Variants in SLC13A5 observed in about 807,000 individuals in gnomAD.
SLC13A5 encodes Na(+)/citrate cotransporter.
Under a neutral mutation model 56.5 loss-of-function variants are expected in SLC13A5, and 25 were observed. That is an observed-to-expected ratio of 0.44 (90% CI 0.32 to 0.62). SLC13A5 has a LOEUF of 0.62. Among genes scored for constraint, SLC13A5 ranks in the 20% least tolerant of loss-of-function variants. The pLI is 0.04. For missense variants in SLC13A5, 649 were observed against 737.8 expected (o/e 0.88, Z 1.39); for synonymous variants, 307 against 301.5 (o/e 1.02, Z -0.19).
chr17:6,696,649 G>A (rs1261836285), intron 6 of SLC13A5, among the ~76,000 whole-genome samples: 2 of 152,112 alleles, frequency 1.3e-5, no homozygotes, highest in Non-Finnish European at 2.9e-5. Context: ...GAGGTGTAAA[G>A]GGGAGCTCAG....
In SLC13A5 at chr17:6,690,770, G is replaced by T. The variant is rs1216705623; in HGVS notation, c.1437+9C>A. ...TGGAAGGGCTCCTCCCCACTGTCAG[G>T]TTACTTACCATGGAGGCAAAGATGG... On this transcript the variant is annotated intron_variant, in intron 10 of 11. Transcript: ENST00000433363. 1.2e-6 allele frequency: 2 copies of T among 1,614,068 alleles called. No homozygotes were observed.
intron 6 of SLC13A5, among the ~76,000 whole-genome samples, chr17:6,698,147 C>T (rs985022682): frequency 6.6e-6 from 1 of 152,232 alleles, no homozygotes; most frequent in African/African-American, 2.4e-5. Flanking sequence ...AACAAAGCTG[C>T]CGTGAGCTAC....
rs769595777 is a variant in SLC13A5 at position 6,695,862 on chromosome 17, G to C, written c.919C>G (p.Arg307Gly). Residue 307 changes from arginine to glycine, a missense_variant, in exon 7 of 12, where the codon CGG becomes GGG. Physicochemically the swap from Arg to Gly is moderately radical, Grantham distance 125. Coordinates refer to ENST00000433363, the MANE Select transcript of SLC13A5 (RefSeq NM_177550.5). The part of the protein sequence containing the change: ...AALKVLQEEY[R>G]KLGPLSFAEI... ...GCGAAGGACAAGGGCCCCAGCTTCC[G>C]GTACTCCTCCTGCAGCACCTTGAGG... The C allele has an allele frequency of 6.8e-6, 11 of 1,613,982 alleles. No individual in the cohort carries two copies. Among genetic ancestry groups the C allele is most frequent in the Non-Finnish European group, 9.3e-6 (11 of 1,180,024 alleles).
rs776787897 is a variant in SLC13A5, at chr17:6,686,179, G to A, written c.*28C>T. On this transcript the variant is annotated 3_prime_UTR_variant, in exon 12 of 12. Coordinates refer to ENST00000433363, the MANE Select transcript of SLC13A5 (RefSeq NM_177550.5). ...GTTCGGTAGTCCTGAGGAGGGTAAGGGCTGTGTGTGTGGTCTTGTGGCTCT... is the reference window on the plus strand; with the variant it reads ...GTTCGGTAGTCCTGAGGAGGGTAAGAGCTGTGTGTGTGGTCTTGTGGCTCT... The A allele has an allele frequency of 6.8e-6, 11 of 1,613,882 alleles. No individual in the cohort carries two copies. Among genetic ancestry groups the A allele is most frequent in the Admixed American group, 6.7e-5 (4 of 60,008 alleles).
At chr17:6,699,103 TAAAATAAAG>T (rs1046181761) in intron 6 of SLC13A5, among the ~76,000 whole-genome samples, 1,586 of 148,186 alleles carry the variant, frequency 0.011, 18 homozygotes, top group Middle Eastern at 0.032. Context: ...TAAAATAAAA[TAAAATAAAG>T]AAAGGAAAAG....
intron 9 of SLC13A5, among the ~76,000 whole-genome samples, chr17:6,691,439 G>A (rs1412667373): frequency 1.3e-5 from 2 of 152,152 alleles, no homozygotes; most frequent in Non-Finnish European, 2.9e-5. Context: ...GGAAGCTCAG[G>A]AGAATGATTT....
At chr17:6,699,089 A>AAAT (rs201575422) in intron 6 of SLC13A5, among the ~76,000 whole-genome samples, 232 of 84,330 alleles carry the variant, frequency 2.8e-3, no homozygotes, top group East Asian at 8.6e-3. Context: ...ATAAATAAAT[A>AAAT]AAATAAAATA....
intron 10 of SLC13A5, chr17:6,688,563 G>A (rs963148868): frequency 1.3e-5 from 2 of 152,246 alleles, no homozygotes; most frequent in Non-Finnish European, 2.9e-5. Flanking sequence ...GAGGTCAGGA[G>A]TTTGAGACCA....
chr17:6,700,898 G>A (rs1431530231), intron 6 of SLC13A5, 106 bp downstream of exon 6: 1 of 1,510,284 alleles, frequency 6.6e-7, no homozygotes, highest in Non-Finnish European at 9.0e-7. Context: ...GAAAGATCAG[G>A]GCCAGACACG....
intron 6 of SLC13A5, among the ~76,000 whole-genome samples, chr17:6,699,194 A>G (rs1597666716): frequency 6.6e-6 from 1 of 152,312 alleles, no homozygotes; most frequent in Admixed American, 6.5e-5. Context: ...CTGTTGCCCC[A>G]TGAGGAGACA....
In SLC13A5 at chr17:6,694,930, T is replaced by C. The variant is rs1231824914; in HGVS notation, c.1056-733A>G. Among the ~76,000 whole-genome samples, 5 of 152,210 alleles carry C rather than the reference T, an allele frequency of 3.3e-5. No individual in the cohort carries two copies. In the East Asian group the frequency reaches 9.6e-4, roughly 29 times the overall value. ...ACATGTTTCTCATCCTTTCTTCCAT[T>C]CTGACAACGTCTTAGCCAGGAGAGA... is the stretch of plus-strand genomic sequence containing the variant. On this transcript the variant is annotated intron_variant, in intron 7 of 11. Transcript: ENST00000433363.
Position 6,693,182 on chromosome 17 carries a change from C to CAT in SLC13A5, c.1157-21_1157-20insAT, listed in dbSNP as rs1316661583. ...TCCTTTCTGGGAAGAAAAAGAAACA[C>CAT]ACACACACACACACACACACACACA... On this transcript the variant is annotated intron_variant, in intron 8 of 11. Transcript: ENST00000433363. 1 of 241,614 alleles carries CAT rather than the reference C, an allele frequency of 4.1e-6. No homozygotes were observed. Among genetic ancestry groups the CAT allele is most frequent in the East Asian group, 5.2e-5 (1 of 19,296 alleles). The allele number at this position is 241,614 out of a possible 1,614,324, so 15.0% of individuals were successfully genotyped here.
In SLC13A5 at chr17:6,685,994, T is replaced by A. The variant is rs1787386041; in HGVS notation, c.*213A>T. On this transcript the variant is annotated 3_prime_UTR_variant, in exon 12 of 12. Transcript: ENST00000433363. The surrounding 1 kb of genome is among the most constrained non-coding windows in gnomAD (Gnocchi z 4.2). ...TGGGTCCAGCAGCCCACTGAGGGGT[T>A]CCCTTCATTTCTGAGCCTACCCTCC... The A allele has an allele frequency of 1.5e-6, 1 of 653,400 alleles. No homozygotes were observed. The highest frequency in any genetic ancestry group is 1.8e-5 in the African/African-American group (1 of 55,518). The allele number at this position is 653,400 out of a possible 1,614,324, so 40.5% of individuals were successfully genotyped here.
At chr17:6,694,400 C>T (rs1262403565) in intron 7 of SLC13A5, among the ~76,000 whole-genome samples, 2 of 152,054 alleles carry the variant, frequency 1.3e-5, no homozygotes, top group Non-Finnish European at 2.9e-5. Context: ...GGGCGGATCA[C>T]GAGGTCAGGA....
rs959591452 is a variant in SLC13A5 at position 6,686,138 on chromosome 17, C to A, written c.*69G>T. ...GGGGTGTGAACCCCAAAACTCTGTACAAGGTGTGCCAGAAGGTTCGGTAGT... is the reference window on the plus strand; with the variant it reads ...GGGGTGTGAACCCCAAAACTCTGTAAAAGGTGTGCCAGAAGGTTCGGTAGT... On this transcript the variant is annotated 3_prime_UTR_variant, in exon 12 of 12. Coordinates refer to ENST00000433363, the MANE Select transcript of SLC13A5 (RefSeq NM_177550.5). The A allele has an allele frequency of 1.2e-6, 2 of 1,603,758 alleles. No individual in the cohort carries two copies. The highest frequency in any genetic ancestry group is 1.7e-6 in the Non-Finnish European group (2 of 1,173,926).
chr17:6,703,446 G>A (rs568289953), intron 4 of SLC13A5, among the ~76,000 whole-genome samples: 8 of 152,336 alleles, frequency 5.3e-5, no homozygotes, highest in African/African-American at 1.7e-4. Flanking sequence ...CCTGAGCTTC[G>A]CACCTAGCAG....
intron 7 of SLC13A5, among the ~76,000 whole-genome samples, chr17:6,694,442 C>T (rs918535171): frequency 6.6e-6 from 1 of 152,056 alleles, no homozygotes; most frequent in Admixed American, 6.6e-5. Context: ...CATAGTGAAA[C>T]CCCGTCTCTA....
At chr17:6,693,954 A>G (rs774143761) in intron 8 of SLC13A5, 143 bp downstream of exon 8, 19 of 436,902 alleles carry the variant, frequency 4.3e-5, no homozygotes, top group Non-Finnish European at 7.3e-5. Flanking sequence ...GTGGCTTGAA[A>G]GCCACTGTTT....
Position 6,711,626 on chromosome 17 carries a change from G to T in SLC13A5, c.102+1606C>A, listed in dbSNP as rs1974036223. Among the ~76,000 whole-genome samples, 1 of 150,350 alleles carries T rather than the reference G, an allele frequency of 6.7e-6. No homozygotes were observed. The highest frequency in any genetic ancestry group is 2.4e-5 in the African/African-American group (1 of 40,828). On this transcript the variant is annotated intron_variant, in intron 1 of 11. Coordinates refer to ENST00000433363, the MANE Select transcript of SLC13A5 (RefSeq NM_177550.5). The surrounding 1 kb of genome is among the most constrained non-coding windows in gnomAD (Gnocchi z 4.0). ...TGTGCGTGTGTTTTTGTGTGTGTTTGTGTTTGTGCGTGTGTTTTGTGTGTG... is the reference window on the plus strand; with the variant it reads ...TGTGCGTGTGTTTTTGTGTGTGTTTTTGTTTGTGCGTGTGTTTTGTGTGTG...
Sources: allele counts gnomAD v4.1 joint callset (sites outside exome capture counted in the v4.1 genomes callset), GRCh38; gene constraint gnomAD v4.1.1; non-coding constraint Gnocchi (gnomAD v3.1); transcripts MANE v1.5; gene names NCBI Gene and HGNC (gene_info 2026-07-23, HGNC 2026-07-21).